SLC4A4: variants seen among roughly 807,000 people sequenced by gnomAD.
The protein encoded by SLC4A4 is electrogenic sodium bicarbonate cotransporter 1.
A neutral mutation model predicts 111.5 loss-of-function variants in SLC4A4; 27 were observed. The ratio of observed to expected loss-of-function variants is 0.24; its 90% CI spans 0.18 to 0.33. SLC4A4 has a LOEUF of 0.33. Ranked by LOEUF, SLC4A4 falls within the 10% of genes least tolerant of loss-of-function variation. The probability of loss-of-function intolerance (pLI) is 1.00; values close to 1 mark genes in which losing one functional copy is unlikely to be tolerated. For missense variants in SLC4A4, 909 were observed against 1,315.5 expected (o/e 0.69, Z 4.78); for synonymous variants, 443 against 463.4 (o/e 0.96, Z 0.57).
intron 7 of SLC4A4, among the ~76,000 whole-genome samples, chr4:71,428,398 G>T (rs1350038745): frequency 1.3e-5 from 2 of 152,022 alleles, no homozygotes; most frequent in Non-Finnish European, 2.9e-5. Flanking sequence ...AGACATTTTT[G>T]AGAATGAAAA....
At chr4:71,262,008 G>A (rs893867904) in intron 3 of SLC4A4, among the ~76,000 whole-genome samples, 1 of 152,096 alleles carries the variant, frequency 6.6e-6, no homozygotes, top group Non-Finnish European at 1.5e-5. Context: ...GAAGTAAATG[G>A]GGTATAAATG....
intron 4 of SLC4A4, among the ~76,000 whole-genome samples, chr4:71,343,931 T>TAGTA (rs1729101302): frequency 6.6e-6 from 1 of 152,134 alleles, no homozygotes; most frequent in African/African-American, 2.4e-5. Context: ...CCCCCACAGT[T>TAGTA]ATCTGCGTGG....
intron 3 of SLC4A4, among the ~76,000 whole-genome samples, chr4:71,322,049 A>G (rs1727156024): frequency 6.6e-6 from 1 of 152,034 alleles, no homozygotes; most frequent in African/African-American, 2.4e-5. Flanking sequence ...AGAAAAGAAG[A>G]AAACCTTATT....
intron 3 of SLC4A4, among the ~76,000 whole-genome samples, chr4:71,322,850 C>T (rs1002714542): frequency 1.1e-4 from 17 of 151,910 alleles, no homozygotes; most frequent in Non-Finnish European, 1.5e-5. Flanking sequence ...TAGAAAGTGT[C>T]CTTTCTTTCC....
In SLC4A4 at chr4:71,497,570, G is replaced by A. The variant is rs773341183; in HGVS notation, c.2044G>A (p.Val682Ile). ...KECSKYGGNLVGNNCNFVPDI... is the reference protein window; with the variant it reads ...KECSKYGGNLIGNNCNFVPDI... ...GTGTTCAAAATACGGAGGAAACCTCGTCGGGAACAACTGTAATTTTGTTCC... is the reference window on the plus strand; with the variant it reads ...GTGTTCAAAATACGGAGGAAACCTCATCGGGAACAACTGTAATTTTGTTCC... The change falls in exon 16 of 26, where the codon GTC becomes ATC. Residue 682 changes from valine to isoleucine, a missense_variant. Val to Ile is a conservative substitution (Grantham distance 29, BLOSUM62 3). Transcript: ENST00000264485. 49 of 1,613,402 alleles carry A rather than the reference G, an allele frequency of 3.0e-5. 1 individual carries two copies. The Admixed American group carries it at 6.2e-4, about 20-fold the overall frequency.
intron 7 of SLC4A4, among the ~76,000 whole-genome samples, chr4:71,425,004 A>G (rs1043815041): frequency 4.6e-5 from 7 of 152,114 alleles, no homozygotes; most frequent in African/African-American, 1.7e-4. Context: ...AATAAAAAAA[A>G]AGAATAAAAG....
rs376458859 is a variant in SLC4A4, at chr4:71,513,943, AT to A, written c.2166+16254del. ...TGTGATGTCACATTTATTGATTTGCATTTATTGTGCTGAGCTATCCCTGCAT... is the reference window on the plus strand; with the variant it reads ...TGTGATGTCACATTTATTGATTTGCATTATTGTGCTGAGCTATCCCTGCAT... On this transcript the variant is annotated intron_variant, in intron 16 of 25. Transcript: ENST00000264485. Among the ~76,000 whole-genome samples the A allele has an allele frequency of 2.9e-4, 44 of 152,156 alleles. 1 individual carries two copies. The East Asian group carries it at 8.1e-3, about 28-fold the overall frequency.
At chr4:71,120,171 T>C (rs1369006253) in intron 2 of SLC4A4, among the ~76,000 whole-genome samples, 1 of 152,204 alleles carries the variant, frequency 6.6e-6, no homozygotes, top group East Asian at 1.9e-4. Flanking sequence ...GTGGATTGTT[T>C]ATATTAAAAG....
intron 3 of SLC4A4, among the ~76,000 whole-genome samples, chr4:71,284,582 G>A (rs948902217): frequency 1.3e-5 from 2 of 152,106 alleles, no homozygotes; most frequent in African/African-American, 4.8e-5. Flanking sequence ...GTTTTTATAA[G>A]CTATATTCTA....
chr4:71,482,439 C>T (rs1010722841), intron 14 of SLC4A4, among the ~76,000 whole-genome samples: 2 of 151,498 alleles, frequency 1.3e-5, no homozygotes, highest in Admixed American at 1.3e-4. Context: ...TGATGCTTAT[C>T]CAAAACTTGA....
At chr4:71,302,068 G>T (rs1349201718) in intron 3 of SLC4A4, among the ~76,000 whole-genome samples, 1 of 152,166 alleles carries the variant, frequency 6.6e-6, no homozygotes. Context: ...GATAGGAAGG[G>T]CATTGATAAT....
chr4:71,404,208 G>A (rs991689702), intron 7 of SLC4A4, among the ~76,000 whole-genome samples: 1 of 151,926 alleles, frequency 6.6e-6, no homozygotes, highest in Non-Finnish European at 1.5e-5. Flanking sequence ...ATTACTGTTG[G>A]CTAACATGAG....
intron 2 of SLC4A4, among the ~76,000 whole-genome samples, chr4:71,121,391 G>A (rs564165143): frequency 3.4e-4 from 52 of 152,352 alleles, no homozygotes; most frequent in Middle Eastern, 3.4e-3. Context: ...AGCTCCGCCC[G>A]CGGCCCTGGC....
At chr4:71,178,532 C>A (rs914412562) in intron 2 of SLC4A4, among the ~76,000 whole-genome samples, 3 of 152,010 alleles carry the variant, frequency 2.0e-5, no homozygotes, top group Non-Finnish European at 4.4e-5. Flanking sequence ...ATATCACCAC[C>A]ATCCCACAGA....
chr4:71,485,226 T>A (rs1256722349), intron 14 of SLC4A4, among the ~76,000 whole-genome samples: 1 of 151,148 alleles, frequency 6.6e-6, no homozygotes, highest in East Asian at 2.0e-4. Context: ...AAGTTTTCAA[T>A]GCTTCCAAGT....
At chr4:71,510,543 G>A (rs1731820166) in intron 16 of SLC4A4, among the ~76,000 whole-genome samples, 1 of 151,730 alleles carries the variant, frequency 6.6e-6, no homozygotes, top group South Asian at 2.1e-4. Context: ...TTTATCTGAT[G>A]CAAATACAGA....
chr4:71,156,588 G>GCACACACACA (rs1553957345), intron 2 of SLC4A4, among the ~76,000 whole-genome samples: 20 of 138,504 alleles, frequency 1.4e-4, no homozygotes, highest in African/African-American at 4.1e-4. Flanking sequence ...GCGCGCGCGC[G>GCACACACACA]CACACACACA....
At chr4:71,098,745 G>T (rs1197670490) in intron 2 of SLC4A4, among the ~76,000 whole-genome samples, 1 of 152,004 alleles carries the variant, frequency 6.6e-6, no homozygotes, top group Non-Finnish European at 1.5e-5. Flanking sequence ...ACAACTATAG[G>T]TTCAAAATAA....
chr4:71,375,433 A>T (rs1732260585), intron 6 of SLC4A4, among the ~76,000 whole-genome samples: 1 of 152,196 alleles, frequency 6.6e-6, no homozygotes, highest in African/African-American at 2.4e-5. Context: ...CTTTATCCTG[A>T]ATGATTTTTC....
Sources: gnomAD v4.1 joint callset for allele counts (sites outside exome capture counted in the v4.1 genomes callset) on GRCh38, gnomAD v4.1.1 for gene constraint, MANE v1.5 for transcripts, NCBI Gene and HGNC (gene_info 2026-07-23, HGNC 2026-07-21) for gene names.